The following SLC8A1 variants were observed in gnomAD, a reference collection of about 807,000 sequenced individuals.
SLC8A1 encodes the protein solute carrier family 8 member A1, also known as sodium/calcium exchanger 1.
In SLC8A1, 18 loss-of-function variants were observed where a neutral mutation model predicts 68.3. The observed-to-expected ratio is 0.26, with a 90% CI of 0.18 to 0.39. SLC8A1 has a LOEUF of 0.39. Among genes scored for constraint, SLC8A1 ranks in the 10% least tolerant of loss-of-function variants. The pLI is 1.00. For synonymous variants in SLC8A1, 475 were observed against 415.5 expected (o/e 1.14, Z -1.74); for missense variants, 985 against 1,156.7 (o/e 0.85, Z 2.15).
chr2:40,245,406 G>A (rs1049024646), intron 2 of SLC8A1, among the ~76,000 whole-genome samples: 2 of 152,176 alleles, frequency 1.3e-5, no homozygotes, highest in African/African-American at 4.8e-5. Context: ...GAAAGGCCAC[G>A]TGTCCACCAG....
At chr2:40,272,559 G>A (rs986393734) in intron 2 of SLC8A1, among the ~76,000 whole-genome samples, 1 of 152,212 alleles carries the variant, frequency 6.6e-6, no homozygotes, top group Admixed American at 6.5e-5. Context: ...GTGCTCTGAG[G>A]ACTGGGTCAG....
chr2:40,437,994 T>G (rs57193459), intron 1 of SLC8A1, among the ~76,000 whole-genome samples: 7,544 of 152,170 alleles, frequency 0.05, 355 homozygotes, highest in East Asian at 0.25. Flanking sequence ...CATTTGAACA[T>G]TGACACTGAG....
At position 40,294,052 on chromosome 2, in the gene SLC8A1, CA is replaced by C. The variant is rs569332417; in HGVS notation, c.1809-116198del. Among the ~76,000 whole-genome samples the C allele has an allele frequency of 3.2e-4, 48 of 152,128 alleles. 1 individual carries two copies. In the South Asian group the frequency reaches 4.2e-3, roughly 13 times the overall value. On this transcript the variant is annotated intron_variant, in intron 2 of 7. Transcript: ENST00000406785. ...AAGCTATGAATGGTAAGAGGGAAAC[CA>C]ACTAGAATTTGCTGCTCATTCACCT...
exon 8 of SLC8A1, chr2:40,114,647 T>C (rs2035010846): frequency 6.5e-6 from 1 of 152,756 alleles, no homozygotes; most frequent in African/African-American, 2.4e-5. Context: ...TTTATGCTTC[T>C]TCTTGGAGGC....
chr2:40,325,777 C>CAAAAA (rs3059526), intron 2 of SLC8A1, among the ~76,000 whole-genome samples: 4 of 45,006 alleles, frequency 8.9e-5, no homozygotes, highest in South Asian at 9.5e-4. Flanking sequence ...ACTAAAAATA[C>CAAAAA]AAAAAAAAAA....
chr2:40,240,521 TG>T (rs1314824938), intron 2 of SLC8A1, among the ~76,000 whole-genome samples: 1 of 152,216 alleles, frequency 6.6e-6, no homozygotes, highest in Non-Finnish European at 1.5e-5. Context: ...AAAAAATTCC[TG>T]CTATATCCAA....
At chr2:40,170,396 T>C (rs755763362) in intron 4 of SLC8A1, 47 bp from the exon 7 acceptor site, 1 of 1,516,690 alleles carries the variant, frequency 6.6e-7, no homozygotes, top group Admixed American at 1.7e-5. Context: ...ATTGCATTGA[T>C]TTGCTATCAG....
rs1049773663 is a variant in SLC8A1, at chr2:40,115,116, G to A, written c.*137C>T. ...GTGATGGTTTTTTACTTCGGCCCTA[G>A]TACAGAGTATGCTCTTGAAGCTGGA... is the stretch of plus-strand genomic sequence containing the variant. On this transcript the variant is annotated 3_prime_UTR_variant, in exon 8 of 8. Coordinates refer to ENST00000406785, the Ensembl canonical transcript of SLC8A1. 20 of 607,718 alleles carry A rather than the reference G, an allele frequency of 3.3e-5. No individual in the cohort carries two copies. The African/African-American group carries it at 3.8e-4, about 12-fold the overall frequency. The allele number at this position is 607,718 out of a possible 1,614,324, so 37.6% of individuals were successfully genotyped here.
intron 2 of SLC8A1, among the ~76,000 whole-genome samples, chr2:40,278,575 G>A (rs1369011276): frequency 6.6e-6 from 1 of 152,156 alleles, no homozygotes; most frequent in East Asian, 1.9e-4. Flanking sequence ...ATTCACATGT[G>A]CAAATAAAAG....
chr2:40,193,227 C>G (rs183506227), intron 2 of SLC8A1, among the ~76,000 whole-genome samples: 1 of 152,078 alleles, frequency 6.6e-6, no homozygotes, highest in Non-Finnish European at 1.5e-5. Flanking sequence ...AGCTCATGAC[C>G]TGGACATCAT....
Position 40,117,798 on chromosome 2 carries a change from A to G in SLC8A1, c.2438-2169T>C, listed in dbSNP as rs149660416. On this transcript the variant is annotated intron_variant, in intron 7 of 7. Transcript: ENST00000406785. Reference sequence around the variant, plus strand: ...AGTCTCTCCCCTCTGTTGTTATGCTATTGCCACCATCCTTCCTCCGTAAAC... The same window carrying G: ...AGTCTCTCCCCTCTGTTGTTATGCTGTTGCCACCATCCTTCCTCCGTAAAC... Among the ~76,000 whole-genome samples the G allele has an allele frequency of 2.5e-3, 378 of 152,208 alleles. 3 individuals carry two copies. The highest frequency in any genetic ancestry group is 8.8e-3 in the African/African-American group (364 of 41,522).
chr2:40,200,981 C>A (rs1317309166), intron 2 of SLC8A1, among the ~76,000 whole-genome samples: 1 of 151,688 alleles, frequency 6.6e-6, no homozygotes, highest in Non-Finnish European at 1.5e-5. Flanking sequence ...ACAACACTCT[C>A]TTCTCTTCTT....
intron 2 of SLC8A1, among the ~76,000 whole-genome samples, chr2:40,249,367 A>T (rs2062379310): frequency 6.6e-6 from 1 of 152,192 alleles, no homozygotes; most frequent in Non-Finnish European, 1.5e-5. Context: ...TTTTTACTTT[A>T]AAAAAAGGAT....
At chr2:40,191,586 GA>G (rs1235796146) in intron 2 of SLC8A1, among the ~76,000 whole-genome samples, 1 of 152,094 alleles carries the variant, frequency 6.6e-6, no homozygotes, top group Non-Finnish European at 1.5e-5. Flanking sequence ...AGACTTTATA[GA>G]ACCAGAGCAG....
chr2:40,179,238 T>A (rs546834762), intron 2 of SLC8A1, among the ~76,000 whole-genome samples: 1 of 152,332 alleles, frequency 6.6e-6, no homozygotes, highest in East Asian at 1.9e-4. Flanking sequence ...ATGTTGTAGT[T>A]ATTTTCATTC....
chr2:40,115,746 A>C, intron 7 of SLC8A1, 117 bp from the exon 11 acceptor site: 1 of 1,354,712 alleles, frequency 7.4e-7, no homozygotes, highest in Non-Finnish European at 9.9e-7. Flanking sequence ...CCAGTGACCA[A>C]GAAATGGCTT....
At chr2:40,499,294 C>A (rs1445659735) in intron 1 of SLC8A1, among the ~76,000 whole-genome samples, 1 of 152,006 alleles carries the variant, frequency 6.6e-6, no homozygotes, top group Non-Finnish European at 1.5e-5. Flanking sequence ...GCTGTGTAAC[C>A]TTGGACAGAT....
At chr2:40,122,364 A>G (rs1572808800) in intron 7 of SLC8A1, among the ~76,000 whole-genome samples, 2 of 152,318 alleles carry the variant, frequency 1.3e-5, no homozygotes, top group South Asian at 2.1e-4. Context: ...AGGAGTTGAA[A>G]AAAGGAAACA....
intron 2 of SLC8A1, among the ~76,000 whole-genome samples, chr2:40,266,446 G>A (rs140962026): frequency 2.0e-5 from 3 of 152,254 alleles, no homozygotes; most frequent in African/African-American, 4.8e-5. Context: ...TAAGGTTGGG[G>A]TAAAGACCTT....
Sources: gnomAD v4.1 joint callset for allele counts (sites outside exome capture counted in the v4.1 genomes callset) on GRCh38, gnomAD v4.1.1 for gene constraint, MANE v1.5 for transcripts, NCBI Gene and HGNC (gene_info 2026-07-23, HGNC 2026-07-21) for gene names.